Variants in APH1B observed in about 807,000 individuals in gnomAD.
APH1B encodes gamma-secretase subunit APH-1B.
Under a neutral mutation model 28.2 loss-of-function variants are expected in APH1B, and 27 were observed. That is an observed-to-expected ratio of 0.96 (90% CI 0.70 to 1.32). The LOEUF (loss-of-function observed/expected upper bound fraction) is 1.32, where lower values mean the gene tolerates loss of function less well. APH1B is among the 40% of genes most tolerant of loss of function. The pLI is 0.00. For synonymous variants in APH1B, 141 were observed against 124.6 expected (o/e 1.13, Z -0.88); for missense variants, 305 against 313.6 (o/e 0.97, Z 0.21).
intron 4 of APH1B, among the ~76,000 whole-genome samples, chr15:63,301,926 T>C (rs1290944767): frequency 2.6e-5 from 4 of 152,240 alleles, no homozygotes; most frequent in Admixed American, 6.5e-5. Flanking sequence ...TTTAATATTT[T>C]TCCATTGCTC....
At chr15:63,299,977 C>T (rs778812226) in intron 4 of APH1B, among the ~76,000 whole-genome samples, 2 of 151,852 alleles carry the variant, frequency 1.3e-5, no homozygotes, top group Admixed American at 1.3e-4. Context: ...GGACTCCAGA[C>T]GTGAAGGTGC....
In APH1B at chr15:63,302,002, C is replaced by T. The variant is rs184809703; in HGVS notation, c.479-343C>T. Among the ~76,000 whole-genome samples, 60 of 152,338 alleles carry T rather than the reference C, an allele frequency of 3.9e-4. No homozygotes were observed. In the East Asian group the frequency reaches 8.3e-3, roughly 21 times the overall value. ...GAGCCTTGTTTAAACAGAAGATACT[C>T]CTTTTCATTGAAGTCTCTCTTTACT... is the stretch of plus-strand genomic sequence containing the variant. On this transcript the variant is annotated intron_variant, in intron 4 of 5. Transcript: ENST00000261879.
intron 5 of APH1B, among the ~76,000 whole-genome samples, chr15:63,303,923 C>T (rs1203130294): frequency 2.0e-5 from 3 of 148,922 alleles, no homozygotes; most frequent in Admixed American, 1.3e-4. Context: ...TTTGGGTATA[C>T]GCCTAGGAGT....
intron 4 of APH1B, among the ~76,000 whole-genome samples, chr15:63,287,856 T>C (rs1031129261): frequency 4.6e-5 from 7 of 152,220 alleles, no homozygotes; most frequent in Non-Finnish European, 1.0e-4. Flanking sequence ...TATGATTTTA[T>C]GTTATCTTCA....
rs897220004 is a variant in APH1B at position 63,306,398 on chromosome 15, G to C, written c.*617G>C. The C allele has an allele frequency of 5.3e-5, 8 of 152,208 alleles. No homozygotes were observed. The highest frequency in any genetic ancestry group is 1.9e-4 in the African/African-American group (8 of 41,446). 9.4% of individuals were successfully genotyped at this position (152,208 alleles called of 1,614,324 possible). Reference sequence around the variant, plus strand: ...TTAGCCAAAGTAAGATACTGATTAAGCCGTATTTTTCTGAAGTGCTTCCAT... The same window carrying C: ...TTAGCCAAAGTAAGATACTGATTAACCCGTATTTTTCTGAAGTGCTTCCAT... On this transcript the variant is annotated 3_prime_UTR_variant, in exon 6 of 6. Coordinates refer to ENST00000261879, the MANE Select transcript of APH1B (RefSeq NM_031301.4).
intron 4 of APH1B, among the ~76,000 whole-genome samples, chr15:63,295,382 A>T (rs909459000): frequency 6.6e-6 from 1 of 152,200 alleles, no homozygotes; most frequent in Non-Finnish European, 1.5e-5. Context: ...AGCTCTAGCC[A>T]GTGAGTTTAG....
chr15:63,293,176 T>G (rs2038523726), intron 4 of APH1B, among the ~76,000 whole-genome samples: 1 of 152,066 alleles, frequency 6.6e-6, no homozygotes, highest in Non-Finnish European at 1.5e-5. Context: ...TTCTTTTTTT[T>G]TTTACTGAGA....
chr15:63,298,993 A>G (rs1004532773), intron 4 of APH1B, among the ~76,000 whole-genome samples: 5 of 151,902 alleles, frequency 3.3e-5, no homozygotes, highest in Non-Finnish European at 5.9e-5. Context: ...TAAGATTCGG[A>G]TGTGGTGAAA....
Position 63,283,789 on chromosome 15 carries a change from AC to A in APH1B, c.285-2767del, listed in dbSNP as rs148036036. 9.0e-3 allele frequency among the ~76,000 whole-genome samples: 1,368 copies of A among 152,274 alleles called. 12 individuals are homozygous for A. The highest frequency in any genetic ancestry group is 0.04 in the South Asian group (195 of 4,828). On this transcript the variant is annotated intron_variant, in intron 2 of 5. Coordinates refer to ENST00000261879, the MANE Select transcript of APH1B (RefSeq NM_031301.4). ...CCAACCCACGGTCATGAAGACTGGC[AC>A]CTATGTATTCTTCTGACAGTTTTAT... is the stretch of plus-strand genomic sequence containing the variant.
intron 4 of APH1B, among the ~76,000 whole-genome samples, chr15:63,293,039 G>A (rs549967861): frequency 3.3e-5 from 5 of 152,264 alleles, no homozygotes; most frequent in South Asian, 2.1e-4. Context: ...ACCTTTCGGC[G>A]CAGTTGAATG....
chr15:63,286,987 A>T (rs983865456), intron 3 of APH1B, among the ~76,000 whole-genome samples: 5 of 152,278 alleles, frequency 3.3e-5, no homozygotes, highest in African/African-American at 1.2e-4. Context: ...ATCTCTGCGT[A>T]TTACACTTTG....
At chr15:63,284,561 A>G (rs559207204) in intron 2 of APH1B, among the ~76,000 whole-genome samples, 1 of 107,784 alleles carries the variant, frequency 9.3e-6, no homozygotes, top group East Asian at 2.7e-4. Context: ...AGGTTTGTTT[A>G]CACCAACATC....
At chr15:63,279,932 G>A (rs1397911206) in intron 2 of APH1B, among the ~76,000 whole-genome samples, 1 of 151,948 alleles carries the variant, frequency 6.6e-6, no homozygotes, top group Admixed American at 6.6e-5. Context: ...CGAGTAGCTG[G>A]GATTACAGGT....
chr15:63,278,590 C>G (rs1442262843), intron 1 of APH1B, among the ~76,000 whole-genome samples: 1 of 152,184 alleles, frequency 6.6e-6, no homozygotes, highest in East Asian at 1.9e-4. Flanking sequence ...TTAGAATCCC[C>G]AGGGGTGCTG....
rs1305883991 is a variant in APH1B, at chr15:63,307,969, T to C, written c.*2188T>C. ...TGTAATTCTGATTTATCGTAAAACA[T>C]GAGCCTTTCCAGAGTCAGCTTAGAC... On this transcript the variant is annotated 3_prime_UTR_variant, in exon 6 of 6. Coordinates refer to ENST00000261879, the MANE Select transcript of APH1B (RefSeq NM_031301.4). 1 of 152,268 alleles carries C rather than the reference T, an allele frequency of 6.6e-6. No homozygotes were observed. Among genetic ancestry groups the C allele is most frequent in the Non-Finnish European group, 1.5e-5 (1 of 68,046 alleles). 9.4% of individuals were successfully genotyped at this position (152,268 alleles called of 1,614,324 possible).
intron 1 of APH1B, chr15:63,278,177 G>A (rs2038345965): frequency 7.6e-6 from 3 of 395,454 alleles, no homozygotes; most frequent in South Asian, 3.7e-5. Flanking sequence ...TTTAAAACAT[G>A]CCGATGCCCA....
rs140283394 is a variant in APH1B, at chr15:63,305,686, G to A, written c.679G>A (p.Ala227Thr). 11 of 1,614,054 alleles carry A rather than the reference G, an allele frequency of 6.8e-6. No homozygotes were observed. The East Asian group carries it at 1.1e-4, about 16-fold the overall frequency. Residue 227 changes from alanine (A) to threonine (T), a missense_variant, in exon 6 of 6, where the codon GCA becomes ACA. Transcript: ENST00000261879. ...AATCCTGGTGCTCATGGGCACCTGG[G>A]CATTCTTAGCTGCGGGAGGCAGCTG... is the stretch of plus-strand genomic sequence containing the variant. ...FIILVLMGTW[A>T]FLAAGGSCRS...
In APH1B at chr15:63,287,600, T is replaced by C. The variant is rs1168503149; in HGVS notation, c.478+54T>C. The stretch of plus-strand genomic sequence containing the variant: ...GGCTTCTAGTCTAAATGATCATTCT[T>C]ATTGGGGTTCACTGGCTTAGGAATT... On this transcript the variant is annotated intron_variant, in intron 4 of 5. Coordinates refer to ENST00000261879, the MANE Select transcript of APH1B (RefSeq NM_031301.4). 1.1e-5 allele frequency: 18 copies of C among 1,580,546 alleles called. No individual in the cohort carries two copies. In the East Asian group the frequency reaches 3.9e-4, roughly 34 times the overall value.
intron 4 of APH1B, among the ~76,000 whole-genome samples, chr15:63,296,022 A>C (rs995294949): frequency 6.6e-6 from 1 of 152,218 alleles, no homozygotes; most frequent in African/African-American, 2.4e-5. Context: ...AGAGAAGGTT[A>C]TTTGATTAGC....
Sources: gnomAD v4.1 joint callset for allele counts (sites outside exome capture counted in the v4.1 genomes callset) on GRCh38, gnomAD v4.1.1 for gene constraint, MANE v1.5 for transcripts, NCBI Gene and HGNC (gene_info 2026-07-23, HGNC 2026-07-21) for gene names.